Variants in MYOM1 observed in about 807,000 individuals in gnomAD.
The protein encoded by MYOM1 is myomesin 1.
In MYOM1, 164 loss-of-function variants were observed where a neutral mutation model predicts 205.3. The observed-to-expected ratio is 0.80, with a 90% CI of 0.70 to 0.91. The LOEUF (loss-of-function observed/expected upper bound fraction) is 0.91. Among genes scored for constraint, MYOM1 ranks in the 40% least tolerant of loss-of-function variants. The pLI, the probability that MYOM1 is intolerant of heterozygous loss-of-function variation, is 0.00. For synonymous variants in MYOM1, 772 were observed against 789.4 expected, an observed-to-expected ratio of 0.98 and a Z score of 0.37; for missense variants, 2,011 against 2,127.3, an observed-to-expected ratio of 0.95 and a Z score of 1.08.
chr18:3,149,089 G>C, intron 13 of MYOM1, 56 bp downstream of exon 13: 1 of 1,508,366 alleles, frequency 6.6e-7, no homozygotes, highest in Non-Finnish European at 9.2e-7. Context: ...CACAACAAAA[G>C]GCAAACTGCT....
At chr18:3,164,870 A>G (rs2080445521) in intron 9 of MYOM1, among the ~76,000 whole-genome samples, 5 of 152,246 alleles carry the variant, frequency 3.3e-5, no homozygotes, top group Admixed American at 3.3e-4. Flanking sequence ...CTTGATTGAT[A>G]ATAAGATATT....
chr18:3,160,178 C>G lies in MYOM1; in HGVS notation c.1501+4100G>C, dbSNP rs113974620. On this transcript the variant is annotated intron_variant, in intron 10 of 37. Coordinates refer to ENST00000356443, the MANE Select transcript of MYOM1 (RefSeq NM_003803.4). ...TCCCTTCCTTTCCTTTTCTTCTTCT[C>G]TCTCTCTTTTTTTTCTTTCTTTTTT... 4.5e-3 allele frequency among the ~76,000 whole-genome samples: 670 copies of G among 149,074 alleles called. 7 individuals are homozygous for G. The highest frequency in any genetic ancestry group is 0.015 in the African/African-American group (625 of 40,414).
chr18:3,080,420 T>C (rs1354948009), intron 33 of MYOM1, among the ~76,000 whole-genome samples: 1 of 152,176 alleles, frequency 6.6e-6, no homozygotes, highest in Non-Finnish European at 1.5e-5. Context: ...ACACCTGTAA[T>C]CCCAGCACTT....
At chr18:3,170,386 C>T (rs1385956458) in intron 8 of MYOM1, among the ~76,000 whole-genome samples, 1 of 151,958 alleles carries the variant, frequency 6.6e-6, no homozygotes, top group Non-Finnish European at 1.5e-5. Context: ...GCATGTACCC[C>T]ATCAATATGT....
intron 21 of MYOM1, among the ~76,000 whole-genome samples, chr18:3,113,298 C>G (rs71358796): frequency 0.89 from 128,915 of 145,376 alleles, 57,318 homozygotes; most frequent in East Asian, 0.98. Context: ...GTGTTTGTGT[C>G]TATATATATA....
intron 17 of MYOM1, among the ~76,000 whole-genome samples, chr18:3,130,413 T>C (rs1299152498): frequency 1.3e-5 from 2 of 152,166 alleles, no homozygotes; most frequent in Admixed American, 1.3e-4. Context: ...AAATCAGCTT[T>C]TTAAAAAACA....
the MYOM1 span, among the ~76,000 whole-genome samples, chr18:3,242,960 T>C: frequency 6.6e-6 from 1 of 152,230 alleles, no homozygotes; most frequent in African/African-American, 2.4e-5. Context: ...AGCATGTATC[T>C]ATTTAACTTA....
chr18:3,101,679 GC>G (rs1438893857), intron 23 of MYOM1, among the ~76,000 whole-genome samples: 2 of 151,992 alleles, frequency 1.3e-5, no homozygotes, highest in Non-Finnish European at 2.9e-5. Context: ...GTTCTTCCTA[GC>G]CCCCTATAAG....
At chr18:3,089,720 AT>A in intron 27 of MYOM1, 124 bp from the exon 28 acceptor site, 1 of 612,464 alleles carries the variant, frequency 1.6e-6, no homozygotes, top group Non-Finnish European at 2.6e-6. Context: ...AACCCTGCTC[AT>A]TTTTTATCTT....
Position 3,110,120 on chromosome 18 carries a change from T to C in MYOM1, c.3418+2178A>G, listed in dbSNP as rs1008392133. Reference sequence around the variant, plus strand: ...ACTGTTCACGTTCCTATACATTTTGTAATCTGATATGATAATTCTTTCTCA... The same window carrying C: ...ACTGTTCACGTTCCTATACATTTTGCAATCTGATATGATAATTCTTTCTCA... On this transcript the variant is annotated intron_variant, in intron 22 of 37. Coordinates refer to ENST00000356443, the MANE Select transcript of MYOM1 (RefSeq NM_003803.4). 2.0e-5 allele frequency among the ~76,000 whole-genome samples: 3 copies of C among 152,258 alleles called. No homozygotes were observed. In the East Asian group the frequency reaches 5.8e-4, roughly 29 times the overall value.
the MYOM1 span, among the ~76,000 whole-genome samples, chr18:3,237,651 C>T: frequency 2.7e-5 from 4 of 149,252 alleles, no homozygotes; most frequent in African/African-American, 4.9e-5. Flanking sequence ...GTTACAACAT[C>T]GGTGAACCTC....
intron 9 of MYOM1, among the ~76,000 whole-genome samples, chr18:3,166,871 GT>G (rs1456066797): frequency 2.6e-5 from 4 of 152,018 alleles, no homozygotes; most frequent in Admixed American, 1.3e-4. Flanking sequence ...GAATTTTAAA[GT>G]TTTTAAGAGC....
At chr18:3,085,923 G>A (rs1176957682) in intron 30 of MYOM1, 115 bp downstream of exon 30, 3 of 639,998 alleles carry the variant, frequency 4.7e-6, no homozygotes, top group Non-Finnish European at 8.0e-6. Context: ...GCAGTTGGAA[G>A]TAAGCTAATA....
chr18:3,092,899 C>T lies in MYOM1; in HGVS notation c.3864+1271G>A, dbSNP rs569396726. Among the ~76,000 whole-genome samples, 127 of 152,308 alleles carry T rather than the reference C, an allele frequency of 8.3e-4. 1 individual carries two copies. In the Middle Eastern group the frequency reaches 0.017, roughly 20 times the overall value. On this transcript the variant is annotated intron_variant, in intron 26 of 37. Transcript: ENST00000356443. ...AAGGCAACATGTATGCACGCTTGAA[C>T]ACGTGAAGGGGAGTACGTCTATATG... is the stretch of plus-strand genomic sequence containing the variant.
intron 29 of MYOM1, among the ~76,000 whole-genome samples, chr18:3,086,446 A>G (rs2079154979): frequency 7.0e-6 from 1 of 142,434 alleles, no homozygotes; most frequent in African/African-American, 2.7e-5. Context: ...ATACTGACAT[A>G]CAAACTTAAA....
At chr18:3,082,196 A>G (rs1394559473) in intron 33 of MYOM1, among the ~76,000 whole-genome samples, 1 of 152,090 alleles carries the variant, frequency 6.6e-6, no homozygotes, top group Non-Finnish European at 1.5e-5. Context: ...CTCCTGTTAC[A>G]CGGCCCAGCT....
intron 13 of MYOM1, among the ~76,000 whole-genome samples, chr18:3,147,524 T>C (rs1319630519): frequency 6.6e-6 from 1 of 152,112 alleles, no homozygotes; most frequent in African/African-American, 2.4e-5. Flanking sequence ...CTGAAACAAC[T>C]TTGGGGGGGA....
chr18:3,096,711 T>C (rs956311234), intron 25 of MYOM1, among the ~76,000 whole-genome samples: 4 of 152,100 alleles, frequency 2.6e-5, no homozygotes, highest in Non-Finnish European at 4.4e-5. Flanking sequence ...TCCCCACATA[T>C]AGTGCATGTA....
At chr18:3,177,504 T>G (rs1402660911) in intron 5 of MYOM1, among the ~76,000 whole-genome samples, 1 of 149,296 alleles carries the variant, frequency 6.7e-6, no homozygotes, top group East Asian at 2.0e-4. Flanking sequence ...AGAGTTTCAC[T>G]CTTGTTGCCC....
Sources: gnomAD v4.1 joint callset for allele counts (sites outside exome capture counted in the v4.1 genomes callset) on GRCh38, gnomAD v4.1.1 for gene constraint, MANE v1.5 for transcripts, NCBI Gene and HGNC (gene_info 2026-07-23, HGNC 2026-07-21) for gene names.